TTN: variants seen among roughly 807,000 people sequenced by gnomAD.
The protein encoded by TTN is connectin.
Under a neutral mutation model 3,223.0 loss-of-function variants are expected in TTN, and 1,525 were observed. The ratio of observed to expected loss-of-function variants is 0.47; its 90% CI spans 0.45 to 0.49. The LOEUF (loss-of-function observed/expected upper bound fraction) is 0.49, where lower values mean the gene tolerates loss of function less well. Among genes scored for constraint, TTN ranks in the 20% least tolerant of loss-of-function variants. TTN has a pLI of 0.00. For missense variants in TTN, 40,786 were observed against 43,424.0 expected, an observed-to-expected ratio of 0.94 and a Z score of 5.40; for synonymous variants, 14,094 against 15,161.0, an observed-to-expected ratio of 0.93 and a Z score of 5.17.
rs375800916 is a variant in TTN at position 178,559,712 on chromosome 2, C to T, written c.86420G>A (p.Arg28807His). 340 of 1,603,036 alleles carry T rather than the reference C, an allele frequency of 2.1e-4. No homozygotes were observed. The highest frequency in any genetic ancestry group is 2.8e-4 in the Non-Finnish European group (332 of 1,174,166). ...TRAYVDTTDS[R>H]TSLTIENANR... ...GGCATTTTCAATGGTCAGTGATGTA[C>T]GAGAGTCTGTGGTATCAACATAAGC... The change falls in exon 326 of 363, where the codon CGT (arginine) becomes CAT (histidine). Residue 28807 changes from arginine to histidine, a missense_variant. Coordinates refer to ENST00000589042, the MANE Select transcript of TTN (RefSeq NM_001267550.2).
chr2:178,543,574 A>G lies in TTN; in HGVS notation c.96399T>C (p.Gly32133=), dbSNP rs371827750. ...CGATGTAATTGTTGACTGGAGCTCC[A>G]CCATCAATCGTGGGAATTTCCCAAG... ...TITWEIPTID[G]GAPVNNYIVE... is the part of the protein sequence containing the mutation. Residue 32133 remains glycine, a synonymous_variant, in exon 347 of 363, where the codon GGT becomes GGC. Coordinates refer to ENST00000589042, the MANE Select transcript of TTN (RefSeq NM_001267550.2). 7 of 1,609,552 alleles carry G rather than the reference A, an allele frequency of 4.3e-6. No individual in the cohort carries two copies. In the African/African-American group the frequency reaches 9.3e-5, roughly 21 times the overall value.
In TTN at chr2:178,712,720, C is replaced by G; in HGVS notation, c.27305G>C (p.Cys9102Ser). 6.2e-7 allele frequency: 1 copy of G among 1,613,668 alleles called. No homozygotes were observed. The highest frequency in any genetic ancestry group is 8.5e-7 in the Non-Finnish European group (1 of 1,179,654). ...IVSNEAGKAS[C>S]TTHLYIKAPA... ...ACCTTTTATGTAGAGATGTGTTGTA[C>G]AAGAAGCCTTGCCAGCTTCATTGCT... Residue 9102 changes from cysteine to serine, a missense_variant, in exon 94 of 363, where the codon TGT becomes TCT. Cys to Ser is a moderately radical substitution (Grantham distance 112). Transcript: ENST00000589042.
In TTN at chr2:178,723,699, A is replaced by G. The variant is rs1296028231; in HGVS notation, c.21404-3T>C. 4 of 1,559,180 alleles carry G rather than the reference A, an allele frequency of 2.6e-6. No individual in the cohort carries two copies. Among genetic ancestry groups the G allele is most frequent in the African/African-American group, 2.8e-5 (2 of 72,718 alleles). On this transcript the variant is annotated splice_region_variant and splice_polypyrimidine_tract_variant and intron_variant, in intron 73 of 362. Coordinates refer to ENST00000589042, the MANE Select transcript of TTN (RefSeq NM_001267550.2). The stretch of plus-strand genomic sequence containing the variant: ...TTCTTTCACAAAAGAGGGTGGTTCT[A>G]TATAGACATGGAGAACAATTAAAAG...
chr2:178,684,270 G>A (rs1318231949), intron 132 of TTN, 60 bp downstream of exon 132: 1 of 1,552,360 alleles, frequency 6.4e-7, no homozygotes, highest in Non-Finnish European at 8.8e-7. Context: ...CATAACCAGT[G>A]TATTTGGTAA....
In TTN at chr2:178,733,789, T is replaced by C. The variant is rs369464051; in HGVS notation, c.15600A>G (p.Thr5200=). ...TGATGACCTCTTGACCTTTCATCCA[T>C]GTGACAGAAATGGGCTCTGACCCTC... The part of the protein sequence containing the change: ...AVRGSEPISV[T]WMKGQEVIRE... Residue 5200 remains threonine (T), a synonymous_variant, in exon 53 of 363, where the codon ACA becomes ACG. Transcript: ENST00000589042. 1.7e-5 allele frequency: 28 copies of C among 1,613,710 alleles called. No individual in the cohort carries two copies. Among genetic ancestry groups the C allele is most frequent in the African/African-American group, 9.3e-5 (7 of 74,926 alleles).
intron 47 of TTN, among the ~76,000 whole-genome samples, chr2:178,752,298 C>T (rs532975776): frequency 1.2e-4 from 19 of 152,072 alleles, no homozygotes; most frequent in Non-Finnish European, 2.1e-4. Flanking sequence ...AAATGCATTT[C>T]AAAATAACAT....
chr2:178,550,976 CT>C lies in TTN; in HGVS notation c.91554del (p.Asp30519MetfsTer7). The stretch of plus-strand genomic sequence containing the variant: ...AGTTGTAAATGCTTACCATTTTCAT[CT>C]CTTGTCATAATAATGCCAGAAGACT... ...PSQSSGIIMTRDENVPPIVEF... is the reference protein window; with the variant it reads ...PSQSSGIIMTXDENVPPIVEF... On this transcript the variant is annotated frameshift_variant, in exon 336 of 363. Transcript: ENST00000589042. LOFTEE classifies it high-confidence loss of function. 1 of 1,612,620 alleles carries C rather than the reference CT, an allele frequency of 6.2e-7. No individual in the cohort carries two copies. The highest frequency in any genetic ancestry group is 1.7e-5 in the Admixed American group (1 of 59,910).
At chr2:178,745,666 C>A in intron 47 of TTN, 1 of 1,611,972 alleles carries the variant, frequency 6.2e-7, no homozygotes. Context: ...CTTCATCACT[C>A]TTTACTAAGC....
At position 178,574,848 on chromosome 2, in the gene TTN, A is replaced by G; in HGVS notation, c.71284T>C (p.Tyr23762His). Residue 23762 changes from tyrosine (Y) to histidine (H), a missense_variant, in exon 326 of 363, where the codon TAT becomes CAT. Coordinates refer to ENST00000589042, the MANE Select transcript of TTN (RefSeq NM_001267550.2). ...ENDGGVPISNYVVEMRQTDST... is the reference protein window; with the variant it reads ...ENDGGVPISNHVVEMRQTDST... Reference sequence around the variant, plus strand: ...TCAGTCTGCCGCATTTCCACTACATAGTTGCTTATTGGTACACCACCATCG... The same window carrying G: ...TCAGTCTGCCGCATTTCCACTACATGGTTGCTTATTGGTACACCACCATCG... 1 of 1,613,114 alleles carries G rather than the reference A, an allele frequency of 6.2e-7. No homozygotes were observed. Among genetic ancestry groups the G allele is most frequent in the Non-Finnish European group, 8.5e-7 (1 of 1,179,562 alleles).
rs368519072 is a variant in TTN, at chr2:178,610,970, G to T, written c.51136+23C>A. 2.5e-6 allele frequency: 4 copies of T among 1,608,874 alleles called. No homozygotes were observed. In the South Asian group the frequency reaches 3.3e-5, roughly 13 times the overall value. On this transcript the variant is annotated intron_variant, in intron 270 of 362. Transcript: ENST00000589042. ...TTCCTCTACATGTGAAGAATGTCTG[G>T]TTTTTCTTCAAAGAATGATTACCTA...
chr2:178,716,835 A>C (rs2077557568), intron 88 of TTN, among the ~76,000 whole-genome samples: 2 of 152,060 alleles, frequency 1.3e-5, no homozygotes, highest in African/African-American at 4.8e-5. Flanking sequence ...AATTTTGTAG[A>C]GTTTCGGTTA....
At position 178,637,368 on chromosome 2, in the gene TTN, C is replaced by T. The variant is rs1553749862; in HGVS notation, c.40927+1G>A. The T allele has an allele frequency of 6.8e-7, 1 of 1,467,554 alleles. No individual in the cohort carries two copies. The highest frequency in any genetic ancestry group is 2.6e-5 in the Admixed American group (1 of 38,148). 90.9% of individuals were successfully genotyped at this position (1,467,554 alleles called of 1,614,324 possible). A position where few individuals can be genotyped will look rare whatever the true frequency, so the allele number is the denominator to read the frequency against. On this transcript the variant is annotated splice_donor_variant, in intron 224 of 362. Coordinates refer to ENST00000589042, the MANE Select transcript of TTN (RefSeq NM_001267550.2). LOFTEE classifies it high-confidence loss of function. The stretch of plus-strand genomic sequence containing the variant: ...GCAAGTACTAGAAAAATGAATTTCA[C>T]CTTTGATAGGACCTTTTGGCTTGGC...
intron 250 of TTN, 154 bp downstream of exon 250, chr2:178,619,463 CACTT>C: frequency 6.1e-6 from 5 of 816,126 alleles, no homozygotes; most frequent in South Asian, 1.8e-5. Flanking sequence ...TTACTCAAGA[CACTT>C]ACTTTGTAGT....
chr2:178,527,512 T>C lies in TTN; in HGVS notation c.107614A>G (p.Met35872Val), dbSNP rs781000801. The C allele has an allele frequency of 6.2e-7, 1 of 1,614,046 alleles. No individual in the cohort carries two copies. Among genetic ancestry groups the C allele is most frequent in the South Asian group, 1.1e-5 (1 of 91,086 alleles). ...SFVEMSSSSF[M>V]GISNMTQLES... The stretch of plus-strand genomic sequence containing the variant: ...AGTTGTGTCATATTAGATATTCCCA[T>C]AAAGCTGCTGGAACTCATTTCTACA... The change falls in exon 362 of 363, where the codon ATG becomes GTG. Residue 35872 changes from methionine (M) to valine (V), a missense_variant. Physicochemically the swap from Met to Val is conservative, Grantham distance 21 (BLOSUM62 1). Transcript: ENST00000589042.
At chr2:178,644,129 T>G (rs1042665914) in intron 218 of TTN, among the ~76,000 whole-genome samples, 1 of 151,970 alleles carries the variant, frequency 6.6e-6, no homozygotes. Context: ...ATAACCTTAA[T>G]AATATAAAAG....
rs574049203 is a variant in TTN, at chr2:178,750,636, C to T, written c.11311+2488G>A. 1.8e-5 allele frequency: 29 copies of T among 1,612,666 alleles called. No individual in the cohort carries two copies. In the Admixed American group the frequency reaches 2.8e-4, roughly 16 times the overall value. On this transcript the variant is annotated intron_variant, in intron 47 of 362. Transcript: ENST00000589042. ...AATCTCATGTTTTCTTCCTTCTGTT[C>T]GGTTTTGAATTCATCAATTCGTGTA...
chr2:178,544,613 A>T lies in TTN; in HGVS notation c.95723-107T>A, dbSNP rs140512017. 855 of 890,350 alleles carry T rather than the reference A, an allele frequency of 9.6e-4. 6 individuals carry two copies. The highest frequency in any genetic ancestry group is 2.1e-3 in the Middle Eastern group (8 of 3,862). 55.2% of individuals were successfully genotyped at this position (890,350 alleles called of 1,614,324 possible). On this transcript the variant is annotated intron_variant, in intron 344 of 362. Coordinates refer to ENST00000589042, the MANE Select transcript of TTN (RefSeq NM_001267550.2). ...CAAAGGCATTATTGCTCTTGTCCAC[A>T]CTCACCAAGATAATCTTTATTAACT... is the stretch of plus-strand genomic sequence containing the variant.
Position 178,712,203 on chromosome 2 carries a change from C to T in TTN, c.27627G>A (p.Lys9209=), listed in dbSNP as rs772596751. The change falls in exon 96 of 363, where the codon AAG becomes AAA. Residue 9209 remains lysine (K), a synonymous_variant. Transcript: ENST00000589042. ...CAGACACCTTAACCGGCTCCAACTGCTTGACAAAATACGGTGGTTCTGCAG... is the reference window on the plus strand; with the variant it reads ...CAGACACCTTAACCGGCTCCAACTGTTTGACAAAATACGGTGGTTCTGCAG... The part of the protein sequence containing the change: ...ILILEPPYFV[K]QLEPVKVSVG... 43 of 1,613,102 alleles carry T rather than the reference C, an allele frequency of 2.7e-5. No individual in the cohort carries two copies. The highest frequency in any genetic ancestry group is 6.7e-5 in the Admixed American group (4 of 59,950).
At position 178,717,096 on chromosome 2, in the gene TTN, T is replaced by A; in HGVS notation, c.25638A>T (p.Gln8546His). 6.2e-7 allele frequency: 1 copy of A among 1,609,566 alleles called. No individual in the cohort carries two copies. Among genetic ancestry groups the A allele is most frequent in the Non-Finnish European group, 8.5e-7 (1 of 1,176,744 alleles). Residue 8546 changes from glutamine to histidine, a missense_variant and splice_region_variant, in exon 88 of 363, where the codon CAA (glutamine) becomes CAT (histidine). Transcript: ENST00000589042. ...TTGCTCCTTCACTCTAACAAGTACC[T>A]TGTACACCCAGCTGAGCAGAACAAG... Reference protein sequence around the residue: ...KDSCSAQLGVQEPPRFIKKLE... With the variant: ...KDSCSAQLGVHEPPRFIKKLE...
Sources: allele counts gnomAD v4.1 joint callset (sites outside exome capture counted in the v4.1 genomes callset), GRCh38; gene constraint gnomAD v4.1.1; transcripts MANE v1.5; gene names NCBI Gene and HGNC (gene_info 2026-07-23, HGNC 2026-07-21).